The following CCDC85A variants were observed in gnomAD, a reference collection of about 807,000 sequenced individuals.
The protein encoded by CCDC85A is coiled-coil domain containing 85A.
CCDC85A carries 38 observed loss-of-function variants against 50.2 expected under a neutral mutation model. The observed-to-expected ratio is 0.76, with a 90% confidence interval of 0.58 to 0.99. The LOEUF is 0.99. Ranked by LOEUF, CCDC85A falls within the 50% of genes least tolerant of loss-of-function variation. The pLI, the probability that CCDC85A is intolerant of heterozygous loss-of-function variation, is 0.00. For missense variants in CCDC85A, 820 were observed against 742.0 expected, an observed-to-expected ratio of 1.11 and a Z score of -1.22; for synonymous variants, 366 against 301.4, an observed-to-expected ratio of 1.21 and a Z score of -2.22.
chr2:56,261,389 C>T (rs1322038667), intron 2 of CCDC85A, among the ~76,000 whole-genome samples: 1 of 152,190 alleles, frequency 6.6e-6, no homozygotes, highest in East Asian at 1.9e-4. Context: ...TGGCACAGCC[C>T]TGCTGCCATT....
At chr2:56,344,918 T>C (rs1280355216) in intron 3 of CCDC85A, among the ~76,000 whole-genome samples, 1 of 137,466 alleles carries the variant, frequency 7.3e-6, no homozygotes, top group Non-Finnish European at 1.5e-5. Context: ...ATAGCATGTA[T>C]GCCATCTTAT....
intron 2 of CCDC85A, among the ~76,000 whole-genome samples, chr2:56,234,640 C>CT (rs1186720263): frequency 1.3e-5 from 2 of 151,510 alleles, no homozygotes; most frequent in Non-Finnish European, 2.9e-5. Context: ...TTTATCCTAC[C>CT]TTTTTTTTTC....
intron 2 of CCDC85A, among the ~76,000 whole-genome samples, chr2:56,336,758 G>C (rs890529818): frequency 6.6e-6 from 1 of 152,160 alleles, no homozygotes; most frequent in Non-Finnish European, 1.5e-5. Context: ...CAGAGAAAAC[G>C]AACAGAGCTC....
intron 2 of CCDC85A, among the ~76,000 whole-genome samples, chr2:56,243,606 A>C (rs1669362914): frequency 6.6e-6 from 1 of 152,228 alleles, no homozygotes; most frequent in Non-Finnish European, 1.5e-5. Flanking sequence ...CTGAAAGGTC[A>C]CATATCTTTA....
At chr2:56,222,524 T>G (rs1346375987) in intron 2 of CCDC85A, among the ~76,000 whole-genome samples, 1 of 152,110 alleles carries the variant, frequency 6.6e-6, no homozygotes, top group Non-Finnish European at 1.5e-5. Context: ...TTTTTCACTT[T>G]TATAGAAGAA....
chr2:56,361,678 A>T (rs774865786), intron 3 of CCDC85A, among the ~76,000 whole-genome samples: 1 of 152,190 alleles, frequency 6.6e-6, no homozygotes, highest in Non-Finnish European at 1.5e-5. Context: ...ATGTGGCTGG[A>T]ACAGAGTGGG....
In CCDC85A at chr2:56,385,188, T is replaced by A. The variant is rs1209012773; in HGVS notation, c.*833T>A. On this transcript the variant is annotated 3_prime_UTR_variant, in exon 6 of 6. Coordinates refer to ENST00000407595, the MANE Select transcript of CCDC85A (RefSeq NM_001080433.2). ...ACAACAAACATAATTTTTCTAAGTG[T>A]TTCGAGCTGTGAGATGTCAATTTCT... The A allele has an allele frequency of 6.6e-6, 1 of 152,272 alleles. No individual in the cohort carries two copies. Among genetic ancestry groups the A allele is most frequent in the East Asian group, 1.9e-4 (1 of 5,164 alleles). 9.4% of individuals were successfully genotyped at this position (152,272 alleles called of 1,614,324 possible).
chr2:56,186,061 GA>G (rs1242042242), intron 1 of CCDC85A, among the ~76,000 whole-genome samples: 1 of 152,204 alleles, frequency 6.6e-6, no homozygotes, highest in Non-Finnish European at 1.5e-5. Flanking sequence ...GGGAAGAGTG[GA>G]ATGCTCAAGG....
intron 2 of CCDC85A, among the ~76,000 whole-genome samples, chr2:56,335,836 G>A (rs752262683): frequency 1.8e-4 from 27 of 151,882 alleles, no homozygotes; most frequent in Admixed American, 3.9e-4. Context: ...TCCTGACCTC[G>A]TGGTCCGCCT....
intron 2 of CCDC85A, among the ~76,000 whole-genome samples, chr2:56,280,667 A>G (rs998655570): frequency 2.0e-5 from 3 of 152,178 alleles, no homozygotes; most frequent in Non-Finnish European, 4.4e-5. Flanking sequence ...CTACTGAGAG[A>G]ATCACTTGTT....
At chr2:56,280,889 G>C (rs1404487125) in intron 2 of CCDC85A, among the ~76,000 whole-genome samples, 1 of 152,144 alleles carries the variant, frequency 6.6e-6, no homozygotes, top group Admixed American at 6.5e-5. Flanking sequence ...TTTGACATTA[G>C]AAATTAATAT....
intron 2 of CCDC85A, among the ~76,000 whole-genome samples, chr2:56,240,360 T>A (rs1178506372): frequency 6.6e-6 from 1 of 152,176 alleles, no homozygotes; most frequent in Non-Finnish European, 1.5e-5. Flanking sequence ...TAGAGGGTAT[T>A]TAAACCCCAG....
intron 2 of CCDC85A, among the ~76,000 whole-genome samples, chr2:56,235,496 A>G (rs1006893725): frequency 1.3e-5 from 2 of 152,220 alleles, no homozygotes; most frequent in African/African-American, 4.8e-5. Flanking sequence ...AGACTAAAAA[A>G]AAAAATCAAT....
intron 3 of CCDC85A, among the ~76,000 whole-genome samples, chr2:56,365,060 G>A (rs572042234): frequency 2.0e-5 from 3 of 152,216 alleles, no homozygotes; most frequent in South Asian, 4.1e-4. Flanking sequence ...TGTCATGTTG[G>A]ACTCAGCTTT....
chr2:56,252,955 G>C (rs1351788344), intron 2 of CCDC85A, among the ~76,000 whole-genome samples: 4 of 152,048 alleles, frequency 2.6e-5, no homozygotes, highest in Non-Finnish European at 5.9e-5. Context: ...GGAGGCGGAG[G>C]TTGCAGTAAG....
chr2:56,329,861 T>C (rs1400974750), intron 2 of CCDC85A, among the ~76,000 whole-genome samples: 1 of 146,718 alleles, frequency 6.8e-6, no homozygotes, highest in African/African-American at 2.5e-5. Context: ...TAAATATGCA[T>C]AAAAAGGCAC....
chr2:56,248,498 C>G (rs1669608888), intron 2 of CCDC85A, among the ~76,000 whole-genome samples: 1 of 152,106 alleles, frequency 6.6e-6, no homozygotes, highest in Non-Finnish European at 1.5e-5. Flanking sequence ...CTCCGGAGGC[C>G]TCAGTTTCCA....
chr2:56,242,192 A>G (rs1408189433), intron 2 of CCDC85A, among the ~76,000 whole-genome samples: 3 of 152,172 alleles, frequency 2.0e-5, no homozygotes, highest in South Asian at 2.1e-4. Flanking sequence ...TTTTTTCCCT[A>G]TAGAGTTGTT....
chr2:56,201,080 A>T (rs199852062), intron 2 of CCDC85A, among the ~76,000 whole-genome samples: 6 of 1,482 alleles, frequency 4.0e-3, no homozygotes, highest in Non-Finnish European at 8.7e-3. Context: ...CTCTCTCCAC[A>T]CACACACACA....
Sources: allele counts gnomAD v4.1 joint callset (sites outside exome capture counted in the v4.1 genomes callset), GRCh38; gene constraint gnomAD v4.1.1; transcripts MANE v1.5; gene names NCBI Gene and HGNC (gene_info 2026-07-23, HGNC 2026-07-21).